The following PITPNC1 variants were observed in gnomAD, a reference collection of about 807,000 sequenced individuals.
PITPNC1 encodes the protein phosphatidylinositol transfer protein cytoplasmic 1.
A neutral mutation model predicts 44.7 loss-of-function variants in PITPNC1; 18 were observed. The observed-to-expected ratio is 0.40, with a 90% confidence interval of 0.28 to 0.60. The LOEUF is 0.60. Ranked by LOEUF, PITPNC1 falls within the 20% of genes least tolerant of loss-of-function variation. The pLI is 0.39. For synonymous variants in PITPNC1, 141 were observed against 149.6 expected (o/e 0.94, Z 0.42); for missense variants, 290 against 418.4 (o/e 0.69, Z 2.68).
intron 5 of PITPNC1, among the ~76,000 whole-genome samples, chr17:67,590,794 T>C (rs2041379153): frequency 6.6e-6 from 1 of 151,774 alleles, no homozygotes; most frequent in African/African-American, 2.4e-5. Flanking sequence ...CTACTAAAAA[T>C]ACAAAAAGAT....
chr17:67,665,416 A>G (rs2042408143), intron 6 of PITPNC1, among the ~76,000 whole-genome samples: 1 of 152,094 alleles, frequency 6.6e-6, no homozygotes, highest in Non-Finnish European at 1.5e-5. Flanking sequence ...TTGTGTGGAT[A>G]TGTGTTTTCA....
At chr17:67,484,055 A>T (rs1243928773) in intron 1 of PITPNC1, among the ~76,000 whole-genome samples, 1 of 151,588 alleles carries the variant, frequency 6.6e-6, no homozygotes, top group Non-Finnish European at 1.5e-5. Flanking sequence ...AGTAGCTGGC[A>T]TTACAGGCAT....
In PITPNC1 at chr17:67,575,462, G is replaced by A. The variant is rs1487210448; in HGVS notation, c.295-2724G>A. 4.6e-5 allele frequency among the ~76,000 whole-genome samples: 7 copies of A among 152,184 alleles called. No homozygotes were observed. The East Asian group carries it at 7.7e-4, about 17-fold the overall frequency. On this transcript the variant is annotated intron_variant, in intron 4 of 8. Transcript: ENST00000581322. Reference sequence around the variant, plus strand: ...ATTGTTTCCGTGTTTCCTTAGTCACGGTTCAGATCCCTTGTTTCACTCAGA... The same window carrying A: ...ATTGTTTCCGTGTTTCCTTAGTCACAGTTCAGATCCCTTGTTTCACTCAGA...
intron 6 of PITPNC1, among the ~76,000 whole-genome samples, chr17:67,662,087 T>C (rs1435688707): frequency 6.6e-6 from 1 of 152,106 alleles, no homozygotes; most frequent in African/African-American, 2.4e-5. Context: ...CGACGCAACA[T>C]AGCATTTTTC....
At chr17:67,629,512 C>G (rs1279654055) in intron 5 of PITPNC1, among the ~76,000 whole-genome samples, 3 of 152,184 alleles carry the variant, frequency 2.0e-5, no homozygotes, top group East Asian at 1.9e-4. Context: ...TCCACCTCCC[C>G]CAACCCGCCC....
At chr17:67,411,441 C>G (rs2038494918) in intron 1 of PITPNC1, among the ~76,000 whole-genome samples, 1 of 151,942 alleles carries the variant, frequency 6.6e-6, no homozygotes, top group South Asian at 2.1e-4. Context: ...GGTGGTTGGG[C>G]CGGGGAGGTG....
At chr17:67,546,279 T>C (rs2040682289) in intron 2 of PITPNC1, among the ~76,000 whole-genome samples, 1 of 97,414 alleles carries the variant, frequency 1.0e-5, no homozygotes, top group Admixed American at 1.5e-4. Flanking sequence ...ATTATTTATA[T>C]AGGGAGACTA....
At chr17:67,650,746 T>G (rs55987730) in intron 6 of PITPNC1, among the ~76,000 whole-genome samples, 7,941 of 152,194 alleles carry the variant, frequency 0.052, 326 homozygotes, top group East Asian at 0.22. Flanking sequence ...CCACGGCGCC[T>G]GGCCAAAACC....
chr17:67,447,841 G>T (rs2039121161), intron 1 of PITPNC1, among the ~76,000 whole-genome samples: 1 of 147,362 alleles, frequency 6.8e-6, no homozygotes, highest in Non-Finnish European at 1.5e-5. Flanking sequence ...TGGGATCCCA[G>T]CTATCTCTTT....
intron 1 of PITPNC1, among the ~76,000 whole-genome samples, chr17:67,468,971 C>G (rs1001981935): frequency 6.6e-6 from 1 of 152,180 alleles, no homozygotes; most frequent in African/African-American, 2.4e-5. Flanking sequence ...TCAGGTGATT[C>G]GCCTGCCTCG....
intron 4 of PITPNC1, among the ~76,000 whole-genome samples, chr17:67,575,853 T>TC (rs2041138809): frequency 1.1e-5 from 1 of 90,918 alleles, no homozygotes; most frequent in Non-Finnish European, 2.1e-5. Flanking sequence ...TTTCTTTCTT[T>TC]CTTTCCTTCC....
chr17:67,454,820 CTTTTTTTTTTT>C (rs35832239), intron 1 of PITPNC1, among the ~76,000 whole-genome samples: 1 of 127,940 alleles, frequency 7.8e-6, no homozygotes, highest in Non-Finnish European at 1.6e-5. Context: ...TTTTATTTTC[CTTTTTTTTTTT>C]TTTTTTGAGT....
At chr17:67,574,669 C>A (rs1368540517) in intron 4 of PITPNC1, among the ~76,000 whole-genome samples, 1 of 152,192 alleles carries the variant, frequency 6.6e-6, no homozygotes, top group Non-Finnish European at 1.5e-5. Context: ...ACATGGACAT[C>A]ACCCCTGAGA....
In PITPNC1 at chr17:67,532,798, G is replaced by A; in HGVS notation, c.49-4G>A. On this transcript the variant is annotated splice_region_variant and splice_polypyrimidine_tract_variant and intron_variant, in intron 1 of 8. Transcript: ENST00000581322. ...ACCTTTCTGTCTCTGACTCTGTTTT[G>A]TAGTACAAAATTGGACAGCTGTACA... The A allele has an allele frequency of 6.4e-7, 1 of 1,557,684 alleles. No individual in the cohort carries two copies. The highest frequency in any genetic ancestry group is 1.2e-5 in the South Asian group (1 of 84,252).
chr17:67,563,873 G>T (rs534642062), intron 4 of PITPNC1, among the ~76,000 whole-genome samples: 1 of 152,082 alleles, frequency 6.6e-6, no homozygotes, highest in East Asian at 1.9e-4. Context: ...GGAGATGTGG[G>T]GAGAGAGAGA....
rs1488010493 is a variant in PITPNC1, at chr17:67,467,980, A to C, written c.49-64822A>C. Among the ~76,000 whole-genome samples the C allele has an allele frequency of 2.0e-5, 3 of 152,316 alleles. No homozygotes were observed. In the East Asian group the frequency reaches 5.8e-4, roughly 29 times the overall value. ...CAGCCTCTCGGCTTGGTGCTGGGGC[A>C]GAGTGGGAAGCAGACCACAGAGCAG... On this transcript the variant is annotated intron_variant, in intron 1 of 8. Transcript: ENST00000581322.
chr17:67,584,136 C>T (rs1224310542), intron 5 of PITPNC1, among the ~76,000 whole-genome samples: 1 of 152,036 alleles, frequency 6.6e-6, no homozygotes, highest in East Asian at 1.9e-4. Context: ...TTAAAACCAA[C>T]ACTTAGGAAA....
At chr17:67,428,366 C>A (rs549940558) in intron 1 of PITPNC1, among the ~76,000 whole-genome samples, 1 of 151,868 alleles carries the variant, frequency 6.6e-6, no homozygotes, top group Non-Finnish European at 1.5e-5. Flanking sequence ...TAATGCCCAT[C>A]TTTTTAAAAA....
chr17:67,473,349 G>A lies in PITPNC1; in HGVS notation c.49-59453G>A, dbSNP rs1457398472. 2.6e-5 allele frequency among the ~76,000 whole-genome samples: 4 copies of A among 151,066 alleles called. No homozygotes were observed. In the East Asian group the frequency reaches 7.9e-4, roughly 30 times the overall value. ...TTACCTGGCCTGCTTGTTTTTTTGA[G>A]ACAGAGTCTCGCTCTGTCGCCCAGG... is the stretch of plus-strand genomic sequence containing the variant. On this transcript the variant is annotated intron_variant, in intron 1 of 8. Transcript: ENST00000581322.
Sources: gnomAD v4.1 joint callset for allele counts (sites outside exome capture counted in the v4.1 genomes callset) on GRCh38, gnomAD v4.1.1 for gene constraint, MANE v1.5 for transcripts, NCBI Gene and HGNC (gene_info 2026-07-23, HGNC 2026-07-21) for gene names.